Variants in ITK observed in about 807,000 individuals in gnomAD.
ITK encodes tyrosine-protein kinase ITK/TSK.
Under a neutral mutation model 87.6 loss-of-function variants are expected in ITK, and 45 were observed. The ratio of observed to expected loss-of-function variants is 0.51; its 90% CI spans 0.40 to 0.66. The LOEUF is 0.66. Ranked by LOEUF, ITK falls within the 30% of genes least tolerant of loss-of-function variation. The pLI, the probability that ITK is intolerant of heterozygous loss-of-function variation, is 0.00. For missense variants in ITK, 605 were observed against 766.3 expected, an observed-to-expected ratio of 0.79 and a Z score of 2.48; for synonymous variants, 303 against 273.6, an observed-to-expected ratio of 1.11 and a Z score of -1.06.
At chr5:157,228,242 A>G (rs1047487140) in intron 6 of ITK, 54 bp from the exon 7 acceptor site, 8 of 1,042,584 alleles carry the variant, frequency 7.7e-6, no homozygotes, top group Non-Finnish European at 1.2e-5. Flanking sequence ...AACCTATAAA[A>G]TGATATAAAA....
chr5:157,230,265 C>T (rs972665384), intron 7 of ITK, among the ~76,000 whole-genome samples: 2 of 152,074 alleles, frequency 1.3e-5, no homozygotes, highest in Non-Finnish European at 2.9e-5. Context: ...CAGCAATTGG[C>T]TCATCTGGGT....
intron 1 of ITK, among the ~76,000 whole-genome samples, chr5:157,203,426 A>T (rs1243473603): frequency 6.6e-6 from 1 of 152,252 alleles, no homozygotes; most frequent in Non-Finnish European, 1.5e-5. Context: ...ATATGGGAAG[A>T]TGCCCTGGTC....
intron 8 of ITK, among the ~76,000 whole-genome samples, chr5:157,237,433 G>A (rs147101750): frequency 8.1e-4 from 123 of 152,324 alleles, no homozygotes; most frequent in African/African-American, 2.8e-3. Flanking sequence ...TGGGTAATAT[G>A]TTCACTATCT....
At position 157,226,353 on chromosome 5, in the gene ITK, G is replaced by T. The variant is rs564067866; in HGVS notation, c.648-1943G>T. On this transcript the variant is annotated intron_variant, in intron 6 of 16. Transcript: ENST00000422843. ...CCATTTGTGTAGATGACCCAGCTTT[G>T]GGTGGCATATGCTATTCAAAAGCAA... 3.3e-5 allele frequency among the ~76,000 whole-genome samples: 5 copies of T among 151,956 alleles called. No homozygotes were observed. In the East Asian group the frequency reaches 9.7e-4, roughly 29 times the overall value.
chr5:157,224,605 C>T (rs1043607814), intron 6 of ITK, among the ~76,000 whole-genome samples: 2 of 152,046 alleles, frequency 1.3e-5, no homozygotes, highest in African/African-American at 2.4e-5. Flanking sequence ...CATGGTGAAA[C>T]CCCATCTCTA....
In ITK at chr5:157,252,655, G is replaced by A. The variant is rs1404434133; in HGVS notation, c.1840G>A (p.Glu614Lys). Residue 614 changes from glutamate to lysine, a missense_variant, in exon 17 of 17, where the codon GAA (glutamate) becomes AAA (lysine). Glu to Lys is a moderately conservative substitution (Grantham distance 56). Transcript: ENST00000422843. ...AFSRLLRQLA[E>K]IAESGL ...CTCCAGACTGCTGCGTCAACTGGCT[G>A]AAATTGCAGAATCAGGACTTTAGTA... 1 of 1,613,974 alleles carries A rather than the reference G, an allele frequency of 6.2e-7. No individual in the cohort carries two copies. Among genetic ancestry groups the A allele is most frequent in the South Asian group, 1.1e-5 (1 of 91,078 alleles).
chr5:157,243,894 G>A (rs1324030084), intron 12 of ITK, 100 bp downstream of exon 12: 9 of 1,122,276 alleles, frequency 8.0e-6, no homozygotes, highest in African/African-American at 1.5e-5. Flanking sequence ...ATCTCCCTGC[G>A]CAAACTCCCA....
intron 7 of ITK, among the ~76,000 whole-genome samples, chr5:157,228,929 A>G (rs1406052051): frequency 1.3e-5 from 2 of 152,130 alleles, no homozygotes; most frequent in African/African-American, 4.8e-5. Flanking sequence ...TGCCCAGACA[A>G]AAAGATGTGG....
At chr5:157,201,421 C>T (rs1271843866) in intron 1 of ITK, among the ~76,000 whole-genome samples, 1 of 151,510 alleles carries the variant, frequency 6.6e-6, no homozygotes, top group Admixed American at 6.6e-5. Context: ...CCTCAGCCTC[C>T]CGAGCAGCTG....
At chr5:157,183,563 T>G (rs1442053458) in intron 1 of ITK, among the ~76,000 whole-genome samples, 3 of 152,212 alleles carry the variant, frequency 2.0e-5, no homozygotes, top group Non-Finnish European at 2.9e-5. Flanking sequence ...ATCCCTTTCA[T>G]GTCTCTACAG....
intron 5 of ITK, among the ~76,000 whole-genome samples, chr5:157,220,615 T>A (rs1754395552): frequency 6.6e-6 from 1 of 151,988 alleles, no homozygotes; most frequent in Non-Finnish European, 1.5e-5. Context: ...GGATCCTCAT[T>A]CCTTTCATGC....
chr5:157,220,033 G>A (rs1754382260), intron 5 of ITK, among the ~76,000 whole-genome samples: 1 of 152,216 alleles, frequency 6.6e-6, no homozygotes, highest in African/African-American at 2.4e-5. Flanking sequence ...TCTTGTCTGA[G>A]CCACTTGAAA....
intron 1 of ITK, among the ~76,000 whole-genome samples, chr5:157,188,751 A>T (rs1214201468): frequency 1.3e-5 from 2 of 152,224 alleles, no homozygotes; most frequent in Non-Finnish European, 2.9e-5. Context: ...CTGGGACTAC[A>T]GAAGTGCATC....
chr5:157,195,137 C>G (rs768111897), intron 1 of ITK: 1 of 152,196 alleles, frequency 6.6e-6, no homozygotes, highest in Non-Finnish European at 1.5e-5. Context: ...CAGGCCCCCA[C>G]GTTCTGCCAG....
intron 10 of ITK, 89 bp downstream of exon 10, chr5:157,240,284 G>A: frequency 8.1e-7 from 1 of 1,234,986 alleles, no homozygotes; most frequent in Non-Finnish European, 1.2e-6. Flanking sequence ...TCTGCCTTCT[G>A]TCAGATCAGC....
intron 1 of ITK, among the ~76,000 whole-genome samples, chr5:157,190,231 A>G (rs964212135): frequency 6.6e-6 from 1 of 152,238 alleles, no homozygotes; most frequent in Non-Finnish European, 1.5e-5. Context: ...AAAGTCACAG[A>G]AATTATAACT....
intron 1 of ITK, chr5:157,195,549 A>G (rs1753835365): frequency 6.6e-6 from 1 of 152,230 alleles, no homozygotes; most frequent in East Asian, 1.9e-4. Context: ...CAGTTGCAAA[A>G]TGTTATGCAG....
At chr5:157,218,374 G>A (rs974440513) in intron 5 of ITK, among the ~76,000 whole-genome samples, 3 of 152,046 alleles carry the variant, frequency 2.0e-5, no homozygotes, top group East Asian at 1.9e-4. Context: ...TGGTGTGGTG[G>A]TGCACACCTG....
rs117408283 is a variant in ITK, at chr5:157,229,427, C to T, written c.713+1066C>T. ...TCCTTATGTGATGCACTGAGAAGGG[C>T]ACACATCACTTCTGTGATATTCCTG... On this transcript the variant is annotated intron_variant, in intron 7 of 16. Coordinates refer to ENST00000422843, the MANE Select transcript of ITK (RefSeq NM_005546.4). Among the ~76,000 whole-genome samples the T allele has an allele frequency of 7.9e-5, 12 of 152,280 alleles. No homozygotes were observed. In the East Asian group the frequency reaches 2.3e-3, roughly 29 times the overall value.
Sources: gnomAD v4.1 joint callset for allele counts (sites outside exome capture counted in the v4.1 genomes callset) on GRCh38, gnomAD v4.1.1 for gene constraint, MANE v1.5 for transcripts, NCBI Gene and HGNC (gene_info 2026-07-23, HGNC 2026-07-21) for gene names.